Variants in CD163L1 observed in about 807,000 individuals in gnomAD.
The protein encoded by CD163L1 is scavenger receptor cysteine-rich type 1 protein M160.
CD163L1 carries 124 observed loss-of-function variants against 165.4 expected under a neutral mutation model. The observed-to-expected ratio is 0.75, with a 90% CI of 0.65 to 0.87. CD163L1 has a LOEUF of 0.87. CD163L1 is among the 40% of genes least tolerant of loss of function. The pLI is 0.00. For synonymous variants in CD163L1, 585 were observed against 662.2 expected (o/e 0.88, Z 1.79); for missense variants, 1,525 against 1,799.9 (o/e 0.85, Z 2.76).
chr12:7,348,483 T>TG (rs1422069128), intron 4 of CD163L1, among the ~76,000 whole-genome samples: 1 of 152,224 alleles, frequency 6.6e-6, no homozygotes, highest in Non-Finnish European at 1.5e-5. Flanking sequence ...CATCCATTAG[T>TG]GGATGATCCT....
intron 4 of CD163L1, among the ~76,000 whole-genome samples, chr12:7,423,977 T>A (rs960611298): frequency 5.3e-5 from 8 of 152,126 alleles, no homozygotes; most frequent in Non-Finnish European, 1.2e-4. Flanking sequence ...GAACTCAATT[T>A]TATGAGGCCA....
At chr12:7,409,362 CGAAGACTGCTTTT>C (rs1948088490) in intron 4 of CD163L1, among the ~76,000 whole-genome samples, 1 of 151,872 alleles carries the variant, frequency 6.6e-6, no homozygotes, top group Admixed American at 6.6e-5. Context: ...TTTTTGGCAC[CGAAGACTGCTTTT>C]GTGGAAAAAA....
At chr12:7,348,117 G>T (rs1946682470) in intron 4 of CD163L1, among the ~76,000 whole-genome samples, 1 of 152,122 alleles carries the variant, frequency 6.6e-6, no homozygotes, top group South Asian at 2.1e-4. Flanking sequence ...ATAATACCAG[G>T]AGGTGTAAAT....
intron 19 of CD163L1, among the ~76,000 whole-genome samples, chr12:7,356,516 C>T (rs1946777080): frequency 6.6e-6 from 1 of 152,044 alleles, no homozygotes; most frequent in Admixed American, 6.6e-5. Context: ...GGAGATATGA[C>T]TTATCTTTGC....
intron 19 of CD163L1, 81 bp from the exon 20 acceptor site, chr12:7,355,211 ACGTGTGTG>A: frequency 6.6e-6 from 1 of 152,138 alleles, no homozygotes; most frequent in East Asian, 1.9e-4. Flanking sequence ...AAGTTAAGAC[ACGTGTGTG>A]TGTGCACACA....
At chr12:7,413,091 C>CAAAA (rs111943372) in intron 4 of CD163L1, among the ~76,000 whole-genome samples, 36 of 39,410 alleles carry the variant, frequency 9.1e-4, no homozygotes, top group African/African-American at 2.1e-3. Flanking sequence ...GACTCCATCT[C>CAAAA]AAAAAAAAAA....
chr12:7,441,496 A>G (rs1948830793), intron 1 of CD163L1, among the ~76,000 whole-genome samples: 2 of 152,176 alleles, frequency 1.3e-5, no homozygotes, highest in African/African-American at 4.8e-5. Context: ...GAAAAATTGC[A>G]TTCTGTGTCC....
intron 4 of CD163L1, among the ~76,000 whole-genome samples, chr12:7,428,366 G>A (rs1269333184): frequency 1.3e-5 from 2 of 151,944 alleles, no homozygotes; most frequent in Non-Finnish European, 2.9e-5. Context: ...TATTCATATC[G>A]TTTGCCCAGT....
intron 8 of CD163L1, among the ~76,000 whole-genome samples, chr12:7,389,426 G>A (rs757319397): frequency 4.6e-5 from 7 of 152,176 alleles, no homozygotes; most frequent in South Asian, 2.1e-4. Context: ...GGCAAACATC[G>A]CATGCTCTCA....
intron 18 of CD163L1, among the ~76,000 whole-genome samples, chr12:7,358,223 G>C (rs1946820229): frequency 6.6e-6 from 1 of 152,032 alleles, no homozygotes. Context: ...AACTGTAATT[G>C]ACAAATTGCT....
chr12:7,327,196 T>C, the CD163L1 span: 4 of 1,334,446 alleles, frequency 3.0e-6, no homozygotes, highest in Admixed American at 8.5e-5. Flanking sequence ...GCTCATTATA[T>C]AGGTAGAAGA....
At chr12:7,399,221 TTC>T (rs1247143684) in intron 6 of CD163L1, among the ~76,000 whole-genome samples, 2 of 151,194 alleles carry the variant, frequency 1.3e-5, no homozygotes, top group African/African-American at 4.9e-5. Context: ...TTTTCTTCCT[TTC>T]TCTGTCTTCT....
chr12:7,323,500 AG>A, the CD163L1 span: 3 of 1,613,926 alleles, frequency 1.9e-6, no homozygotes, highest in Non-Finnish European at 1.7e-6. Context: ...CTGGCAAAGA[AG>A]GGGAAATTGC....
Position 7,374,793 on chromosome 12 carries a change from T to C in CD163L1, c.3095-37A>G. The C allele has an allele frequency of 6.2e-7, 1 of 1,614,092 alleles. No individual in the cohort carries two copies. The highest frequency in any genetic ancestry group is 8.5e-7 in the Non-Finnish European group (1 of 1,179,970). On this transcript the variant is annotated intron_variant, in intron 12 of 19. Transcript: ENST00000313599. The surrounding 1 kb of genome is among the most constrained non-coding windows in gnomAD (Gnocchi z 5.4). ...AAGTCCAGTTAATAGGTCACATTCT[T>C]TAGAGTTGCAGTGTTTCCTAAAACT... is the stretch of plus-strand genomic sequence containing the variant.
At chr12:7,431,952 G>A (rs1948636323) in intron 4 of CD163L1, among the ~76,000 whole-genome samples, 1 of 152,074 alleles carries the variant, frequency 6.6e-6, no homozygotes, top group East Asian at 1.9e-4. Flanking sequence ...TGTCTGGTGT[G>A]GAATTTTAGT....
At chr12:7,336,386 T>C in the CD163L1 span, among the ~76,000 whole-genome samples, 1 of 152,226 alleles carries the variant, frequency 6.6e-6, no homozygotes, top group African/African-American at 2.4e-5. Flanking sequence ...GAAGCCATCA[T>C]TCTCAGCAAA....
downstream of CD163L1, among the ~76,000 whole-genome samples, chr12:7,353,689 C>T (rs1473050382): frequency 2.0e-5 from 3 of 152,014 alleles, no homozygotes; most frequent in African/African-American, 7.2e-5. Context: ...GTGACAGAAA[C>T]ATTCCAAAAT....
chr12:7,424,609 T>A (rs145015403), intron 4 of CD163L1, among the ~76,000 whole-genome samples: 1 of 152,290 alleles, frequency 6.6e-6, no homozygotes, highest in Non-Finnish European at 1.5e-5. Flanking sequence ...GTCCAAAAAC[T>A]CCTTAAGCTG....
chr12:7,394,740 T>C (rs996075117), intron 8 of CD163L1, among the ~76,000 whole-genome samples: 1 of 151,920 alleles, frequency 6.6e-6, no homozygotes, highest in African/African-American at 2.4e-5. Flanking sequence ...CTTAAACAAA[T>C]TTACAAGAAA....
Sources: allele counts gnomAD v4.1 joint callset (sites outside exome capture counted in the v4.1 genomes callset), GRCh38; gene constraint gnomAD v4.1.1; non-coding constraint Gnocchi (gnomAD v3.1); transcripts MANE v1.5; gene names NCBI Gene and HGNC (gene_info 2026-07-23, HGNC 2026-07-21).